The following ZNF671 variants were observed in gnomAD, a reference collection of about 807,000 sequenced individuals.
The protein encoded by ZNF671 is zinc finger protein 671.
In ZNF671, 19 loss-of-function variants were observed where a neutral mutation model predicts 16.6. That is an observed-to-expected ratio of 1.14 (90% CI 0.80 to 1.68). ZNF671 has a LOEUF of 1.68. Ranked by LOEUF, ZNF671 falls within the 40% of genes most tolerant of loss-of-function variation. The pLI is 0.00. For missense variants in ZNF671, 637 were observed against 659.8 expected (o/e 0.97, Z 0.38); for synonymous variants, 238 against 236.3 (o/e 1.01, Z -0.06).
intron 1 of ZNF671, among the ~76,000 whole-genome samples, chr19:57,724,737 G>A (rs1184262628): frequency 6.6e-6 from 1 of 152,092 alleles, no homozygotes; most frequent in Non-Finnish European, 1.5e-5. Context: ...ATGTTAGCCA[G>A]GATGGTCTTG....
Position 57,723,255 on chromosome 19 carries a change from T to C in ZNF671, c.224A>G (p.His75Arg), listed in dbSNP as rs1278530630. 5 of 1,613,326 alleles carry C rather than the reference T, an allele frequency of 3.1e-6. No individual in the cohort carries two copies. Among genetic ancestry groups the C allele is most frequent in the Non-Finnish European group, 4.2e-6 (5 of 1,179,588 alleles). Residue 75 changes from histidine to arginine, a missense_variant, in exon 2 of 4, where the codon CAT becomes CGT. Transcript: ENST00000317398. ...LLDDAQRLLY[H>R]DVMLENFALL... ...TGCAAAGTTCTCCAGCATCACATCA[T>C]GGTACAAAAGTCTCTGAGCATCATC...
chr19:57,723,128 C>A (rs971701954), intron 2 of ZNF671, 86 bp downstream of exon 2: 1 of 1,511,888 alleles, frequency 6.6e-7, no homozygotes, highest in African/African-American at 1.4e-5. Flanking sequence ...AGCACCTACT[C>A]CAGGAAACTG....
chr19:57,721,784 G>A, intron 3 of ZNF671, 87 bp from the exon 4 acceptor site: 1 of 1,499,012 alleles, frequency 6.7e-7, no homozygotes, highest in South Asian at 1.3e-5. Flanking sequence ...ACACATGCAG[G>A]AATAAGTTCA....
intron 1 of ZNF671, 81 bp downstream of exon 1, chr19:57,727,310 C>T: frequency 2.0e-6 from 3 of 1,502,284 alleles, no homozygotes; most frequent in Non-Finnish European, 2.7e-6. Flanking sequence ...CGTCGCTGTC[C>T]TGGGACACAG....
rs773978612 is a variant in ZNF671 at position 57,721,053 on chromosome 19, C to T, written c.1033G>A (p.Glu345Lys). The change falls in exon 4 of 4, where the codon GAA becomes AAA. Residue 345 changes from glutamate to lysine, a missense_variant. Transcript: ENST00000317398. ...ATTTGTCTAAAGAATTTCCCACATTCGCTGCACTCGTATGGCCTTTCTCCA... is the reference window on the plus strand; with the variant it reads ...ATTTGTCTAAAGAATTTCCCACATTTGCTGCACTCGTATGGCCTTTCTCCA... ...HTGERPYECS[E>K]CGKFFRQISG... The T allele has an allele frequency of 1.2e-5, 19 of 1,614,150 alleles. No individual in the cohort carries two copies. The highest frequency in any genetic ancestry group is 4.5e-5 in the East Asian group (2 of 44,878).
At chr19:57,725,278 A>G (rs1261107723) in intron 1 of ZNF671, among the ~76,000 whole-genome samples, 1 of 151,826 alleles carries the variant, frequency 6.6e-6, no homozygotes, top group East Asian at 1.9e-4. Context: ...AGCCTGGCCA[A>G]CATCGTGAAA....
intron 1 of ZNF671, among the ~76,000 whole-genome samples, chr19:57,724,617 C>T (rs1198465281): frequency 6.6e-6 from 1 of 152,002 alleles, no homozygotes; most frequent in Non-Finnish European, 1.5e-5. Flanking sequence ...GCTCCATCTC[C>T]CAGGTTCACA....
In ZNF671 at chr19:57,721,379, AC is replaced by A; in HGVS notation, c.706del (p.Val236CysfsTer31). The A allele has an allele frequency of 6.2e-7, 1 of 1,614,180 alleles. No homozygotes were observed. Among genetic ancestry groups the A allele is most frequent in the Non-Finnish European group, 8.5e-7 (1 of 1,180,000 alleles). ...CCCACATGTGAGGGTCTTCTCTGGCACATGGACTCTGCAGCTTTTCACAGAG... is the reference window on the plus strand; with the variant it reads ...CCCACATGTGAGGGTCTTCTCTGGCAATGGACTCTGCAGCTTTTCACAGAG... ...RDSVKSCRVH[V>X]PEKTLTCGKG... On this transcript the variant is annotated frameshift_variant, in exon 4 of 4. Coordinates refer to ENST00000317398, the MANE Select transcript of ZNF671 (RefSeq NM_024833.3). LOFTEE classifies it low-confidence loss of function (END_TRUNC).
chr19:57,721,694 C>T lies in ZNF671; in HGVS notation c.392G>A (p.Cys131Tyr), dbSNP rs763847941. The T allele has an allele frequency of 1.9e-6, 3 of 1,610,926 alleles. No individual in the cohort carries two copies. Among genetic ancestry groups the T allele is most frequent in the South Asian group, 2.2e-5 (2 of 90,958 alleles). The change falls in exon 4 of 4, where the codon TGT (cysteine) becomes TAT (tyrosine). Residue 131 changes from cysteine (C) to tyrosine (Y), a missense_variant. By Grantham distance (194) the Cys-to-Tyr change is radical (BLOSUM62 -2). Coordinates refer to ENST00000317398, the MANE Select transcript of ZNF671 (RefSeq NM_024833.3). ...CTCTTCATCCTCCACTCCATGCCAA[C>T]AACCTGAAGAACACACAAATGCTGA... The part of the protein sequence containing the change: ...REAQRGLRPG[C>Y]WHGVEDEEVS...
At chr19:57,725,083 CTTAAATCTTTG>C (rs1468065329) in intron 1 of ZNF671, among the ~76,000 whole-genome samples, 2 of 152,118 alleles carry the variant, frequency 1.3e-5, no homozygotes, top group East Asian at 3.9e-4. Context: ...AGAGAAGCAC[CTTAAATCTTTG>C]GCCAGATGGA....
In ZNF671 at chr19:57,721,567, C is replaced by A; in HGVS notation, c.519G>T (p.Leu173Phe). ...ATTTAGCCAGGTGTAAGGTATCTTT[C>A]AATATTGGGCCACATATGTCACATG... ...SHPCDICGPILKDTLHLAKYH... is the reference protein window; with the variant it reads ...SHPCDICGPIFKDTLHLAKYH... The change falls in exon 4 of 4, where the codon TTG becomes TTT. Residue 173 changes from leucine (L) to phenylalanine (F), a missense_variant. Coordinates refer to ENST00000317398, the MANE Select transcript of ZNF671 (RefSeq NM_024833.3). 6.2e-7 allele frequency: 1 copy of A among 1,614,176 alleles called. No individual in the cohort carries two copies. The highest frequency in any genetic ancestry group is 8.5e-7 in the Non-Finnish European group (1 of 1,180,028).
rs766585401 is a variant in ZNF671, at chr19:57,721,070, C to G, written c.1016G>C (p.Arg339Thr). 4 of 1,614,148 alleles carry G rather than the reference C, an allele frequency of 2.5e-6. No homozygotes were observed. In the South Asian group the frequency reaches 4.4e-5, roughly 18 times the overall value. The change falls in exon 4 of 4, where the codon AGG (arginine) becomes ACG (threonine). Residue 339 changes from arginine (R) to threonine (T), a missense_variant. Transcript: ENST00000317398. ...FKHQTVHTGERPYECSECGKF... is the reference protein window; with the variant it reads ...FKHQTVHTGETPYECSECGKF... ...CCCACATTCGCTGCACTCGTATGGC[C>G]TTTCTCCAGTGTGAACTGTCTGGTG...
At position 57,721,471 on chromosome 19, in the gene ZNF671, T is replaced by C; in HGVS notation, c.615A>G (p.Thr205=). The C allele has an allele frequency of 1.9e-6, 3 of 1,614,250 alleles. No individual in the cohort carries two copies. Among genetic ancestry groups the C allele is most frequent in the Non-Finnish European group, 2.5e-6 (3 of 1,180,048 alleles). ...GCTGGTTCTGGTGCTGGTCAAAGTC[T>C]GTACTGAACCAGAATTGCTTTCCAC... ...GACGKQFWFS[T]DFDQHQNQPN... Residue 205 remains threonine, a synonymous_variant, in exon 4 of 4, where the codon ACA becomes ACG. Coordinates refer to ENST00000317398, the MANE Select transcript of ZNF671 (RefSeq NM_024833.3).
intron 3 of ZNF671, chr19:57,721,962 G>A: frequency 1.8e-6 from 1 of 569,630 alleles, no homozygotes; most frequent in East Asian, 2.9e-5. Flanking sequence ...AGTGACTCGT[G>A]AGTGCTATGA....
chr19:57,726,248 GGAGGTA>G (rs1002531634), intron 1 of ZNF671, among the ~76,000 whole-genome samples: 1 of 151,382 alleles, frequency 6.6e-6, no homozygotes, highest in Non-Finnish European at 1.5e-5. Flanking sequence ...CTTGAACCCG[GGAGGTA>G]GAGGTTGCAA....
intron 1 of ZNF671, among the ~76,000 whole-genome samples, chr19:57,724,799 A>T (rs1164368425): frequency 6.6e-6 from 1 of 152,164 alleles, no homozygotes; most frequent in Non-Finnish European, 1.5e-5. Flanking sequence ...TGCTGGGATT[A>T]CAGGTGTGAG....
rs1458945817 is a variant in ZNF671 at position 57,720,920 on chromosome 19, TC to T, written c.1165del (p.Glu389LysfsTer169). The T allele has an allele frequency of 1.2e-6, 2 of 1,613,796 alleles. No homozygotes were observed. Among genetic ancestry groups the T allele is most frequent in the South Asian group, 1.1e-5 (1 of 91,064 alleles). ...SSKSNLIRHQ[E>X]VHTGARPYVC... ...ATAAGGCCTGGCTCCTGTGTGAACT[TC>T]CTGGTGTCGAATGAGATTAGACTTA... On this transcript the variant is annotated frameshift_variant, in exon 4 of 4. Coordinates refer to ENST00000317398, the MANE Select transcript of ZNF671 (RefSeq NM_024833.3). LOFTEE classifies it low-confidence loss of function (END_TRUNC).
At chr19:57,723,070 C>T in intron 2 of ZNF671, 144 bp downstream of exon 2, 1 of 1,160,074 alleles carries the variant, frequency 8.6e-7, no homozygotes, top group Middle Eastern at 2.9e-4. Context: ...TTCAGGACTA[C>T]TCAGCAAGTA....
In ZNF671 at chr19:57,721,509, A is replaced by C; in HGVS notation, c.577T>G (p.Leu193Val). The C allele has an allele frequency of 6.2e-7, 1 of 1,614,154 alleles. No individual in the cohort carries two copies. The highest frequency in any genetic ancestry group is 8.5e-7 in the Non-Finnish European group (1 of 1,180,034). Residue 193 changes from leucine to valine, a missense_variant, in exon 4 of 4, where the codon TTG (leucine) becomes GTG (valine). Coordinates refer to ENST00000317398, the MANE Select transcript of ZNF671 (RefSeq NM_024833.3). Reference protein sequence around the residue: ...HGGKARQKPYLCGACGKQFWF... With the variant: ...HGGKARQKPYVCGACGKQFWF... ...AATTGCTTTCCACATGCCCCACACA[A>C]GTATGGTTTCTGCCTGGCTTTTCCC... is the stretch of plus-strand genomic sequence containing the variant.
Sources: gnomAD v4.1 joint callset for allele counts (sites outside exome capture counted in the v4.1 genomes callset) on GRCh38, gnomAD v4.1.1 for gene constraint, MANE v1.5 for transcripts, NCBI Gene and HGNC (gene_info 2026-07-23, HGNC 2026-07-21) for gene names.